The following ATRNL1 variants were observed in gnomAD, a reference collection of about 807,000 sequenced individuals.
The protein encoded by ATRNL1 is attractin-like protein 1.
A neutral mutation model predicts 182.7 loss-of-function variants in ATRNL1; 95 were observed. That is an observed-to-expected ratio of 0.52 (90% CI 0.44 to 0.62). The LOEUF is 0.62. ATRNL1 is among the 20% of genes least tolerant of loss of function. The pLI is 0.00. For synonymous variants in ATRNL1, 576 were observed against 568.3 expected, an observed-to-expected ratio of 1.01 and a Z score of -0.19; for missense variants, 1,471 against 1,679.5, an observed-to-expected ratio of 0.88 and a Z score of 2.17.
chr10:115,489,099 T>C (rs1849169847), intron 24 of ATRNL1, among the ~76,000 whole-genome samples: 1 of 152,234 alleles, frequency 6.6e-6, no homozygotes, highest in Non-Finnish European at 1.5e-5. Context: ...CTGTTTCTTA[T>C]GATTTCCGTT....
chr10:115,535,658 C>T (rs139395327), intron 25 of ATRNL1, among the ~76,000 whole-genome samples: 331 of 152,238 alleles, frequency 2.2e-3, no homozygotes, highest in African/African-American at 7.3e-3. Flanking sequence ...TGAGGAACTG[C>T]GTTCGTTTGG....
intron 26 of ATRNL1, among the ~76,000 whole-genome samples, chr10:115,591,163 GCACA>G (rs1245656795): frequency 6.6e-6 from 1 of 152,122 alleles, no homozygotes; most frequent in Non-Finnish European, 1.5e-5. Context: ...ACACAAAAAT[GCACA>G]CACACATAGT....
chr10:115,107,020 T>G (rs1280333124), intron 1 of ATRNL1, among the ~76,000 whole-genome samples: 1 of 152,150 alleles, frequency 6.6e-6, no homozygotes, highest in East Asian at 1.9e-4. Context: ...AATCTCATCC[T>G]TTTATAAGGA....
intron 4 of ATRNL1, among the ~76,000 whole-genome samples, chr10:115,127,922 T>A (rs1845046148): frequency 6.6e-6 from 1 of 152,100 alleles, no homozygotes; most frequent in South Asian, 2.1e-4. Flanking sequence ...ACCTATAAGT[T>A]TGGTTGAAAA....
At chr10:115,682,286 C>G (rs1221220760) in intron 26 of ATRNL1, among the ~76,000 whole-genome samples, 1 of 152,098 alleles carries the variant, frequency 6.6e-6, no homozygotes, top group African/African-American at 2.4e-5. Context: ...CACCTGTAAT[C>G]CCAGCACTTT....
At chr10:115,414,023 T>C (rs2901047) in intron 20 of ATRNL1, among the ~76,000 whole-genome samples, 35,570 of 151,910 alleles carry the variant, frequency 0.23, 5,191 homozygotes, top group Non-Finnish European at 0.33. Context: ...CCAATTCGGA[T>C]CTATTTCTGC....
Position 115,559,448 on chromosome 10 carries a change from G to GCGCGCA in ATRNL1, c.3795+9916_3795+9921dup, listed in dbSNP as rs1554998512. On this transcript the variant is annotated intron_variant, in intron 26 of 28. Coordinates refer to ENST00000355044, the MANE Select transcript of ATRNL1 (RefSeq NM_207303.4). ...TGTGTGTGTGTGTGTGTGTGTGCGC[G>GCGCGCA]CGCGCACGCACGCACATGCGCAACC... Among the ~76,000 whole-genome samples the GCGCGCA allele has an allele frequency of 1.2e-4, 6 of 51,704 alleles. No homozygotes were observed. The South Asian group carries it at 2.5e-3, about 22-fold the overall frequency. The allele number at this position is 51,704 out of a possible 152,430, so 33.9% of individuals were successfully genotyped here. A position where few individuals can be genotyped will look rare whatever the true frequency, so the allele number is the denominator to read the frequency against.
rs1361949307 is a variant in ATRNL1, at chr10:115,573,408, G to T, written c.3795+23872G>T. On this transcript the variant is annotated intron_variant, in intron 26 of 28. Coordinates refer to ENST00000355044, the MANE Select transcript of ATRNL1 (RefSeq NM_207303.4). ...CATCAATGTCCTCACTTGCTGGTCTGCTCTGGAGCTTGGGGTTCAGGGTTT... is the reference window on the plus strand; with the variant it reads ...CATCAATGTCCTCACTTGCTGGTCTTCTCTGGAGCTTGGGGTTCAGGGTTT... Among the ~76,000 whole-genome samples, 3 of 151,914 alleles carry T rather than the reference G, an allele frequency of 2.0e-5. No homozygotes were observed. The South Asian group carries it at 6.3e-4, about 32-fold the overall frequency.
intron 28 of ATRNL1, among the ~76,000 whole-genome samples, chr10:115,911,332 T>A (rs1555115859): frequency 6.6e-6 from 1 of 151,836 alleles, no homozygotes; most frequent in African/African-American, 2.4e-5. Context: ...TTTATTTATT[T>A]TCAAGATGGA....
intron 19 of ATRNL1, among the ~76,000 whole-genome samples, chr10:115,371,043 G>A (rs886168414): frequency 6.6e-6 from 1 of 152,202 alleles, no homozygotes; most frequent in African/African-American, 2.4e-5. Context: ...GAGAGTGCAA[G>A]CCCCAAGCTG....
At chr10:115,858,656 TAACA>T (rs1443927879) in intron 28 of ATRNL1, among the ~76,000 whole-genome samples, 4 of 152,190 alleles carry the variant, frequency 2.6e-5, no homozygotes, top group Admixed American at 2.0e-4. Context: ...TTTACCTATG[TAACA>T]AACCTGCACA....
chr10:115,764,230 G>C (rs1948802099), intron 27 of ATRNL1, among the ~76,000 whole-genome samples: 1 of 152,066 alleles, frequency 6.6e-6, no homozygotes, highest in South Asian at 2.1e-4. Context: ...TCCTGCCTCT[G>C]CATGCACAGC....
At chr10:115,791,554 G>A (rs562408430) in intron 27 of ATRNL1, among the ~76,000 whole-genome samples, 3 of 152,112 alleles carry the variant, frequency 2.0e-5, no homozygotes, top group South Asian at 4.2e-4. Context: ...TAATAATACA[G>A]ACTTTAGTCA....
chr10:115,701,629 C>T (rs561730524), intron 26 of ATRNL1, among the ~76,000 whole-genome samples: 2 of 151,960 alleles, frequency 1.3e-5, no homozygotes, highest in South Asian at 4.1e-4. Context: ...TACAGCCAAT[C>T]CTGCGAAAAT....
intron 8 of ATRNL1, among the ~76,000 whole-genome samples, chr10:115,192,497 G>A (rs1020696528): frequency 2.6e-5 from 4 of 151,710 alleles, no homozygotes; most frequent in African/African-American, 9.7e-5. Flanking sequence ...TGACTATTAT[G>A]GCTTTGTAAT....
At chr10:115,479,888 C>T (rs1363161986) in intron 24 of ATRNL1, among the ~76,000 whole-genome samples, 1 of 151,264 alleles carries the variant, frequency 6.6e-6, no homozygotes, top group Non-Finnish European at 1.5e-5. Flanking sequence ...TGCTGTTCAT[C>T]AACATTTATA....
At chr10:115,523,295 G>A (rs1851047012) in intron 25 of ATRNL1, among the ~76,000 whole-genome samples, 1 of 152,150 alleles carries the variant, frequency 6.6e-6, no homozygotes, top group African/African-American at 2.4e-5. Flanking sequence ...CTCTTGGTCT[G>A]TGATGGGAAG....
intron 26 of ATRNL1, among the ~76,000 whole-genome samples, chr10:115,667,554 A>T (rs11197398): frequency 0.23 from 34,745 of 151,964 alleles, 4,123 homozygotes; most frequent in East Asian, 0.38. Context: ...ATCATTGCTC[A>T]GGGGTTCAAG....
At chr10:115,394,550 C>A in intron 19 of ATRNL1, 109 bp from the exon 20 acceptor site, 1 of 801,656 alleles carries the variant, frequency 1.2e-6, no homozygotes, top group Non-Finnish European at 2.1e-6. Flanking sequence ...TTTTGGATGG[C>A]AAGAGGAAGT....
Sources: allele counts gnomAD v4.1 joint callset (sites outside exome capture counted in the v4.1 genomes callset), GRCh38; gene constraint gnomAD v4.1.1; transcripts MANE v1.5; gene names NCBI Gene and HGNC (gene_info 2026-07-23, HGNC 2026-07-21).